STK3: variants seen among roughly 807,000 people sequenced by gnomAD.
STK3 encodes serine/threonine kinase 3.
Under a neutral mutation model 58.0 loss-of-function variants are expected in STK3, and 41 were observed. That is an observed-to-expected ratio of 0.71 (90% CI 0.55 to 0.92). The LOEUF is 0.92. Among genes scored for constraint, STK3 ranks in the 40% least tolerant of loss-of-function variants. STK3 has a pLI of 0.00. For synonymous variants in STK3, 170 were observed against 191.0 expected (o/e 0.89, Z 0.91); for missense variants, 479 against 602.7 (o/e 0.79, Z 2.15).
chr8:98,380,054 A>G (rs949531244), intron 1 of STK3, among the ~76,000 whole-genome samples: 7 of 152,252 alleles, frequency 4.6e-5, no homozygotes, highest in African/African-American at 1.7e-4. Flanking sequence ...TCAAAGAATG[A>G]CAAATACTGT....
chr8:98,464,540 T>TAAAAAAAAAAAAAAAAAAAAAAA, intron 10 of STK3, among the ~76,000 whole-genome samples: 71 of 69,174 alleles, frequency 1.0e-3, no homozygotes, highest in Non-Finnish European at 1.1e-3. Flanking sequence ...TACTTAAAGT[T>TAAAAAAAAAAAAAAAAAAAAAAA]AAAAAAAAAA....
intron 1 of STK3, among the ~76,000 whole-genome samples, chr8:98,792,447 G>A (rs532873770): frequency 2.4e-4 from 37 of 152,290 alleles, no homozygotes; most frequent in Admixed American, 1.3e-3. Flanking sequence ...CTGTGATCCC[G>A]ACACTTTGGG....
At chr8:98,643,933 C>T (rs1307245269) in intron 6 of STK3, among the ~76,000 whole-genome samples, 3 of 152,052 alleles carry the variant, frequency 2.0e-5, no homozygotes, top group African/African-American at 7.2e-5. Flanking sequence ...GGAAAATCTC[C>T]TGAGCTCAGA....
chr8:98,675,777 T>C (rs1227420252), intron 6 of STK3, among the ~76,000 whole-genome samples: 1 of 151,776 alleles, frequency 6.6e-6, no homozygotes, highest in Non-Finnish European at 1.5e-5. Flanking sequence ...GGCAGGAGAA[T>C]GGTGTGAACC....
At chr8:98,579,618 A>T in intron 8 of STK3, 46 bp downstream of exon 8, 2 of 1,590,270 alleles carry the variant, frequency 1.3e-6, no homozygotes, top group African/African-American at 2.7e-5. Flanking sequence ...ATTACAGACA[A>T]ATAACTCAGA....
chr8:98,690,530 C>A (rs1423298829), intron 6 of STK3, among the ~76,000 whole-genome samples: 2 of 150,350 alleles, frequency 1.3e-5, no homozygotes, highest in African/African-American at 2.4e-5. Context: ...CAAAAGACTA[C>A]TAAAAGATAG....
At chr8:98,812,775 C>T (rs1189879854) in intron 1 of STK3, among the ~76,000 whole-genome samples, 2 of 152,136 alleles carry the variant, frequency 1.3e-5, no homozygotes, top group Non-Finnish European at 2.9e-5. Flanking sequence ...TCTGAGCAAA[C>T]TATCACAAGG....
intron 10 of STK3, among the ~76,000 whole-genome samples, chr8:98,521,429 T>C (rs373645655): frequency 1.2e-3 from 177 of 152,190 alleles, no homozygotes; most frequent in African/African-American, 4.2e-3. Flanking sequence ...CTCATTCTTG[T>C]TTTTCTTTTC....
At chr8:98,922,389 A>T (rs905171586) in intron 1 of STK3, among the ~76,000 whole-genome samples, 4 of 152,234 alleles carry the variant, frequency 2.6e-5, no homozygotes, top group African/African-American at 9.6e-5. Flanking sequence ...CCTTCTTATT[A>T]AGTGAGATAA....
downstream of STK3, among the ~76,000 whole-genome samples, chr8:98,449,891 C>T (rs569621549): frequency 2.0e-5 from 3 of 152,308 alleles, no homozygotes; most frequent in African/African-American, 7.2e-5. Flanking sequence ...TTCAAACACA[C>T]TCGCTTTCCC....
intron 2 of STK3, among the ~76,000 whole-genome samples, chr8:98,377,650 A>G (rs2130996805): frequency 6.6e-6 from 1 of 152,218 alleles, no homozygotes; most frequent in South Asian, 2.1e-4. Context: ...TGGAAAAAGT[A>G]ATTTGGGGCA....
chr8:98,801,160 CTG>C (rs1833520433), intron 1 of STK3, among the ~76,000 whole-genome samples: 1 of 150,794 alleles, frequency 6.6e-6, no homozygotes, highest in Non-Finnish European at 1.5e-5. Flanking sequence ...AACCAGCACT[CTG>C]TGTCTAGCTA....
intron 3 of STK3, among the ~76,000 whole-genome samples, chr8:98,751,802 T>G (rs1830003319): frequency 6.6e-6 from 1 of 152,128 alleles, no homozygotes; most frequent in Non-Finnish European, 1.5e-5. Flanking sequence ...TAGCTGGGCA[T>G]GGTGGCGCAT....
At chr8:98,736,210 C>T (rs986870717) in intron 4 of STK3, among the ~76,000 whole-genome samples, 1 of 152,092 alleles carries the variant, frequency 6.6e-6, no homozygotes, top group Non-Finnish European at 1.5e-5. Context: ...ACTAAATAGA[C>T]AACAAACTAC....
At chr8:98,869,846 TTTA>T (rs1837303316) in intron 3 of STK3, among the ~76,000 whole-genome samples, 6 of 151,620 alleles carry the variant, frequency 4.0e-5, no homozygotes, top group Admixed American at 6.6e-5. Flanking sequence ...TTTTCTTTTT[TTTA>T]TTATTATTAT....
intron 9 of STK3, among the ~76,000 whole-genome samples, chr8:98,540,940 T>C (rs1563720039): frequency 6.6e-6 from 1 of 152,204 alleles, no homozygotes; most frequent in African/African-American, 2.4e-5. Flanking sequence ...TGAGGAGTGG[T>C]TGCAGTAATA....
intron 3 of STK3, among the ~76,000 whole-genome samples, chr8:98,856,405 G>A (rs1243129322): frequency 6.6e-6 from 1 of 151,766 alleles, no homozygotes; most frequent in Non-Finnish European, 1.5e-5. Flanking sequence ...CTGAATAGAT[G>A]TTTACCAAGA....
chr8:98,608,970 A>C (rs1043500261), intron 6 of STK3, among the ~76,000 whole-genome samples: 4 of 152,224 alleles, frequency 2.6e-5, no homozygotes, highest in African/African-American at 7.2e-5. Flanking sequence ...GAACTTGGTT[A>C]AGTCCATCCT....
At chr8:98,701,869 A>C (rs1026982605) in intron 6 of STK3, among the ~76,000 whole-genome samples, 24 of 152,192 alleles carry the variant, frequency 1.6e-4, no homozygotes, top group Non-Finnish European at 3.2e-4. Flanking sequence ...ACTGAGTTTT[A>C]ATTTAAAAAA....
Sources: allele counts gnomAD v4.1 joint callset (sites outside exome capture counted in the v4.1 genomes callset), GRCh38; gene constraint gnomAD v4.1.1; transcripts MANE v1.5; gene names NCBI Gene and HGNC (gene_info 2026-07-23, HGNC 2026-07-21).